Variants in PGC observed in about 807,000 individuals in gnomAD.
PGC encodes gastricsin.
Under a neutral mutation model 45.9 loss-of-function variants are expected in PGC, and 31 were observed. The ratio of observed to expected loss-of-function variants is 0.67; its 90% CI spans 0.51 to 0.91. The LOEUF (loss-of-function observed/expected upper bound fraction) is 0.91. Among genes scored for constraint, PGC ranks in the 40% least tolerant of loss-of-function variants. PGC has a pLI of 0.00. For missense variants in PGC, 477 were observed against 493.2 expected, an observed-to-expected ratio of 0.97 and a Z score of 0.31; for synonymous variants, 192 against 201.8, an observed-to-expected ratio of 0.95 and a Z score of 0.41.
In PGC at chr6:41,747,359, G is replaced by A. The variant is rs1771947963; in HGVS notation, c.-25C>T. ...TGATGCTGGTCCCCAACTGGCCACA[G>A]AGGAAGAGCAGCTCTGAGTTCTGCA... On this transcript the variant is annotated 5_prime_UTR_variant, in exon 1 of 9. Coordinates refer to ENST00000373025, the MANE Select transcript of PGC (RefSeq NM_002630.4). 6.2e-7 allele frequency: 1 copy of A among 1,607,688 alleles called. No homozygotes were observed. Among genetic ancestry groups the A allele is most frequent in the Non-Finnish European group, 8.5e-7 (1 of 1,174,184 alleles).
At chr6:41,738,778 G>A (rs1381130809) in intron 7 of PGC, among the ~76,000 whole-genome samples, 6 of 151,878 alleles carry the variant, frequency 4.0e-5, no homozygotes, top group Admixed American at 1.3e-4. Flanking sequence ...CCAATATGGT[G>A]AAACCTCATC....
intron 7 of PGC, among the ~76,000 whole-genome samples, chr6:41,738,376 C>T (rs957949897): frequency 2.0e-5 from 3 of 151,204 alleles, no homozygotes; most frequent in Non-Finnish European, 4.4e-5. Context: ...GCCTGTAATC[C>T]CAATACTTTG....
rs116322938 is a variant in PGC at position 41,740,884 on chromosome 6, G to T, written c.648-274C>A. ...CTCAGACTGGGGCTCCCTGAGGATGGGGCTGTATCCCTTAGATTGGGGCTC... is the reference window on the plus strand; with the variant it reads ...CTCAGACTGGGGCTCCCTGAGGATGTGGCTGTATCCCTTAGATTGGGGCTC... On this transcript the variant is annotated intron_variant, in intron 5 of 8. Transcript: ENST00000373025. 1,640 of 1,439,554 alleles carry T rather than the reference G, an allele frequency of 1.1e-3. 15 individuals are homozygous for T. In the African/African-American group the frequency reaches 0.017, roughly 15 times the overall value. 89.2% of individuals were successfully genotyped at this position (1,439,554 alleles called of 1,614,324 possible). A position where few individuals can be genotyped will look rare whatever the true frequency, so the allele number is the denominator to read the frequency against.
chr6:41,737,345 G>A (rs1430082483), intron 8 of PGC, among the ~76,000 whole-genome samples: 4 of 152,134 alleles, frequency 2.6e-5, no homozygotes, highest in Admixed American at 1.3e-4. Context: ...TAGCTGTGTC[G>A]CCTTGAGTCA....
In PGC at chr6:41,743,538, G is replaced by T. The variant is rs912420331; in HGVS notation, c.329-149C>A. The T allele has an allele frequency of 1.7e-5, 11 of 659,670 alleles. No individual in the cohort carries two copies. The Middle Eastern group carries it at 1.3e-3, about 76-fold the overall frequency. 40.9% of individuals were successfully genotyped at this position (659,670 alleles called of 1,614,324 possible). ...CCCCTGGTTGCCAAGTCAAGGGGTG[G>T]CATTGGAAGGCCCATGGGAGCTGGC... On this transcript the variant is annotated intron_variant, in intron 3 of 8. Coordinates refer to ENST00000373025, the MANE Select transcript of PGC (RefSeq NM_002630.4).
rs1771892461 is a variant in PGC, at chr6:41,744,593, G to A, written c.210+65C>T. The stretch of plus-strand genomic sequence containing the variant: ...TCCTCCATGGGCAGAGGAGTGAAGG[G>A]ACCTGCCCCTTCCCTCCAGCCCACA... On this transcript the variant is annotated intron_variant, in intron 2 of 8. Transcript: ENST00000373025. The surrounding 1 kb of genome is among the most constrained non-coding windows in gnomAD (Gnocchi z 4.4). 3 of 1,593,560 alleles carry A rather than the reference G, an allele frequency of 1.9e-6. No homozygotes were observed. The highest frequency in any genetic ancestry group is 4.5e-5 in the East Asian group (2 of 44,710).
At position 41,736,834 on chromosome 6, in the gene PGC, C is replaced by T. The variant is rs539615885; in HGVS notation, c.*18G>A. 3.7e-6 allele frequency: 6 copies of T among 1,613,720 alleles called. No homozygotes were observed. The African/African-American group carries it at 4.0e-5, about 11-fold the overall frequency. On this transcript the variant is annotated 3_prime_UTR_variant, in exon 9 of 9. Transcript: ENST00000373025. ...GGGTCAAGAGGAAGAGGGGAGCCCA[C>T]GTGTCGAGGCAGCAAGTCTAGGCGG...
chr6:41,743,785 G>A (rs1340039592), intron 3 of PGC, among the ~76,000 whole-genome samples: 2 of 152,134 alleles, frequency 1.3e-5, no homozygotes, highest in Non-Finnish European at 2.9e-5. Flanking sequence ...GCATCCCCAA[G>A]TACTCCCCAC....
chr6:41,745,867 A>G (rs968711272), intron 1 of PGC, among the ~76,000 whole-genome samples: 12 of 151,538 alleles, frequency 7.9e-5, no homozygotes. Flanking sequence ...GCACATTTTT[A>G]ACAGAAGATT....
chr6:41,738,239 T>TGC (rs1771750841), intron 7 of PGC, among the ~76,000 whole-genome samples: 1 of 49,886 alleles, frequency 2.0e-5, no homozygotes, highest in Admixed American at 2.2e-4. Flanking sequence ...TATATATATG[T>TGC]ATATATATAT....
At position 41,744,993 on chromosome 6, in the gene PGC, CTCTG is replaced by C. The variant is rs1393560962; in HGVS notation, c.60-189_60-186del. 0.19 allele frequency among the ~76,000 whole-genome samples: 24,740 copies of C among 131,752 alleles called. 2,185 individuals are homozygous for C. Among genetic ancestry groups the C allele is most frequent in the East Asian group, 0.26 (1,246 of 4,790 alleles). The allele number at this position is 131,752 out of a possible 152,430, so 86.4% of individuals were successfully genotyped here. A position where few individuals can be genotyped will look rare whatever the true frequency, so the allele number is the denominator to read the frequency against. The stretch of plus-strand genomic sequence containing the variant: ...GCTCTCTGTCTCTGTCTGTCTGTCT[CTCTG>C]TGTGTGTGTGTGTGTGTGCGCGCGC... On this transcript the variant is annotated intron_variant, in intron 1 of 8. Transcript: ENST00000373025. This position sits in a 1 kb window ranked among gnomAD's most constrained non-coding sequence, Gnocchi z 4.4.
At chr6:41,737,881 C>T in intron 7 of PGC, 53 bp from the exon 8 acceptor site, 2 of 1,041,530 alleles carry the variant, frequency 1.9e-6, no homozygotes, top group Non-Finnish European at 3.0e-6. Context: ...ATAGCACCCA[C>T]CAGCCCCATC....
rs200245180 is a variant in PGC, at chr6:41,742,457, G to A, written c.480C>T (p.Phe160=). The change falls in exon 5 of 9, where the codon TTC becomes TTT. Residue 160 remains phenylalanine, a synonymous_variant. Transcript: ENST00000373025. ...TACCAGGCTCATTCTCACTCAAGCC[G>A]AACTCCTGGTTGGGGACCTGGATGC... ...VQSIQVPNQE[F]GLSENEPGTN... The A allele has an allele frequency of 3.9e-5, 63 of 1,614,136 alleles. No individual in the cohort carries two copies. The highest frequency in any genetic ancestry group is 1.1e-4 in the African/African-American group (8 of 75,018).
rs1160584500 is a variant in PGC at position 41,744,745 on chromosome 6, C to G, written c.123G>C (p.Glu41Asp). The change falls in exon 2 of 9, where the codon GAG (glutamate) becomes GAC (aspartate). Residue 41 changes from glutamate (E) to aspartate (D), a missense_variant. Physicochemically the swap from Glu to Asp is conservative, Grantham distance 45. Coordinates refer to ENST00000373025, the MANE Select transcript of PGC (RefSeq NM_002630.4). This position sits in a 1 kb window ranked among gnomAD's most constrained non-coding sequence, Gnocchi z 4.4. ...GATCATACTTGTGGGTCCTCAGGAA[C>G]TCCCCCAGCAAGCCCTTCTCCTTCA... ...ETMKEKGLLG[E>D]FLRTHKYDPA... is the part of the protein sequence containing the mutation. 1 of 1,614,072 alleles carries G rather than the reference C, an allele frequency of 6.2e-7. No individual in the cohort carries two copies. The highest frequency in any genetic ancestry group is 1.7e-5 in the Admixed American group (1 of 60,028).
chr6:41,738,179 C>CATATATATATGCATATATATAT (rs1231581978), intron 7 of PGC, among the ~76,000 whole-genome samples: 1 of 21,310 alleles, frequency 4.7e-5, no homozygotes, highest in Non-Finnish European at 1.5e-4. Flanking sequence ...TATATATATA[C>CATATATATATGCATATATATAT]ATATATATAT....
At chr6:41,740,676 T>C (rs1771806089) in intron 5 of PGC, 66 bp from the exon 6 acceptor site, 3 of 1,528,576 alleles carry the variant, frequency 2.0e-6, no homozygotes, top group Admixed American at 2.1e-5. Context: ...TCCTGAGCAG[T>C]CACCTCCACA....
In PGC at chr6:41,740,597, T is replaced by A; in HGVS notation, c.661A>T (p.Ser221Cys). Residue 221 changes from serine to cysteine, a missense_variant, in exon 6 of 9, where the codon AGC becomes TGC. By Grantham distance (112) the Ser-to-Cys change is moderately radical. Transcript: ENST00000373025. Reference sequence around the variant, plus strand: ...CCCCCAAAGACAACCGCTCCCCCGCTGGAGCCCTGCTGGCTGCAGGAGAGA... The same window carrying A: ...CCCCCAAAGACAACCGCTCCCCCGCAGGAGCCCTGCTGGCTGCAGGAGAGA... ...SVYLSNQQGS[S>C]GGAVVFGGVD... is the part of the protein sequence containing the mutation. 6.2e-7 allele frequency: 1 copy of A among 1,600,664 alleles called. No homozygotes were observed. Among genetic ancestry groups the A allele is most frequent in the Non-Finnish European group, 8.5e-7 (1 of 1,173,928 alleles).
chr6:41,741,703 A>G (rs1051553431), intron 5 of PGC: 1 of 814,810 alleles, frequency 1.2e-6, no homozygotes, highest in African/African-American at 1.7e-5. Context: ...GAAGAAGAAC[A>G]AAGAAAAGCA....
At chr6:41,739,360 G>A (rs567660282) in intron 7 of PGC, among the ~76,000 whole-genome samples, 17 of 151,822 alleles carry the variant, frequency 1.1e-4, no homozygotes, top group Middle Eastern at 3.5e-3. Flanking sequence ...AGCCCCAGTC[G>A]TCCCAGGTCC....
Sources: allele counts gnomAD v4.1 joint callset (sites outside exome capture counted in the v4.1 genomes callset), GRCh38; gene constraint gnomAD v4.1.1; non-coding constraint Gnocchi (gnomAD v3.1); transcripts MANE v1.5; gene names NCBI Gene and HGNC (gene_info 2026-07-23, HGNC 2026-07-21).